The following CDCA5 variants were observed in gnomAD, a reference collection of about 807,000 sequenced individuals.
The protein encoded by CDCA5 is cell division cycle associated 5.
Under a neutral mutation model 25.7 loss-of-function variants are expected in CDCA5, and 14 were observed. The ratio of observed to expected loss-of-function variants is 0.54; its 90% confidence interval spans 0.36 to 0.85. The LOEUF is 0.85. CDCA5 is among the 40% of genes least tolerant of loss of function. The pLI, the probability that CDCA5 is intolerant of heterozygous loss-of-function variation, is 0.01. For missense variants in CDCA5, 307 were observed against 324.5 expected (o/e 0.95, Z 0.41); for synonymous variants, 127 against 128.7 (o/e 0.99, Z 0.09).
In CDCA5 at chr11:65,078,112, C is replaced by T. The variant is rs748008205; in HGVS notation, c.*995G>A. 1.2e-4 allele frequency: 120 copies of T among 985,410 alleles called. No individual in the cohort carries two copies. The highest frequency in any genetic ancestry group is 1.4e-4 in the Non-Finnish European group (114 of 829,962). 61.0% of individuals were successfully genotyped at this position (985,410 alleles called of 1,614,324 possible). On this transcript the variant is annotated 3_prime_UTR_variant, in exon 6 of 6. Coordinates refer to ENST00000275517, the MANE Select transcript of CDCA5 (RefSeq NM_080668.4). ...TCAGCCCCCGCCGCTGTCTGGTACGCGAGGAAACTTTCCGAGGACTTTACA... is the reference window on the plus strand; with the variant it reads ...TCAGCCCCCGCCGCTGTCTGGTACGTGAGGAAACTTTCCGAGGACTTTACA...
intron 1 of CDCA5, among the ~76,000 whole-genome samples, chr11:65,070,047 G>A (rs959246229): frequency 3.2e-4 from 49 of 152,242 alleles, no homozygotes; most frequent in African/African-American, 1.2e-3. Context: ...AGGATGTGCC[G>A]CCGGGTCTCA....
rs1947526278 is a variant in CDCA5, at chr11:65,079,740, A to G, written c.291T>C (p.Leu97=). The change falls in exon 5 of 6, where the codon CTT becomes CTC. Residue 97 remains leucine (L), a synonymous_variant. Coordinates refer to ENST00000275517, the MANE Select transcript of CDCA5 (RefSeq NM_080668.4). ...EKENEPPGRE[L]TKEDLFKTHS... The stretch of plus-strand genomic sequence containing the variant: ...GTGTCTTGAAAAGGTCCTCCTTAGT[A>G]AGCTCCCTGCCAGGGGGCTCGTTTT... 3.3e-6 allele frequency: 5 copies of G among 1,505,764 alleles called. No homozygotes were observed. Among genetic ancestry groups the G allele is most frequent in the African/African-American group, 2.8e-5 (2 of 71,152 alleles). The allele number at this position is 1,505,764 out of a possible 1,614,324, so 93.3% of individuals were successfully genotyped here.
At chr11:65,079,930 G>T (rs1947531260) in intron 4 of CDCA5, 143 bp from the exon 5 acceptor site, 8 of 567,540 alleles carry the variant, frequency 1.4e-5, no homozygotes, top group African/African-American at 2.1e-5. Flanking sequence ...TTGCTCTCTC[G>T]CCCAGGCTGG....
intron 4 of CDCA5, among the ~76,000 whole-genome samples, chr11:65,082,610 G>C (rs1393864443): frequency 6.6e-6 from 1 of 151,758 alleles, no homozygotes; most frequent in Non-Finnish European, 1.5e-5. Context: ...CTATAGGCAC[G>C]TGCCACCATG....
chr11:65,079,492 A>C lies in CDCA5; in HGVS notation c.539T>G (p.Val180Gly), dbSNP rs1260925948. ...GAGTTTGGAGCACACCACTGGCGAG[A>C]CTCCGGACAAGTCTTCTGCCCCCAG... ...GLLGAEDLSGVSPVVCSKLTE... is the reference protein window; with the variant it reads ...GLLGAEDLSGGSPVVCSKLTE... The change falls in exon 5 of 6, where the codon GTC (valine) becomes GGC (glycine). Residue 180 changes from valine (V) to glycine (G), a missense_variant. Transcript: ENST00000275517. 1 of 1,613,714 alleles carries C rather than the reference A, an allele frequency of 6.2e-7. No homozygotes were observed. The highest frequency in any genetic ancestry group is 8.5e-7 in the Non-Finnish European group (1 of 1,179,936).
Position 65,079,190 on chromosome 11 carries a change from G to A in CDCA5, c.679-3C>T. 6.6e-7 allele frequency: 1 copy of A among 1,526,344 alleles called. No homozygotes were observed. Among genetic ancestry groups the A allele is most frequent in the Non-Finnish European group, 8.8e-7 (1 of 1,137,660 alleles). 94.6% of individuals were successfully genotyped at this position (1,526,344 alleles called of 1,614,324 possible). The stretch of plus-strand genomic sequence containing the variant: ...GCCCACTCATCCAGCTCCGTTTTCT[G>A]AGGGAAGAGAAATGAGGAGCAGGTG... On this transcript the variant is annotated splice_region_variant and splice_polypyrimidine_tract_variant and intron_variant, in intron 5 of 5. Transcript: ENST00000275517.
chr11:65,066,579 T>A (rs1392863356), exon 6 of CDCA5: 2 of 1,289,390 alleles, frequency 1.6e-6, no homozygotes, highest in Non-Finnish European at 2.0e-6. Flanking sequence ...CGGCAGGGCC[T>A]GGCTTTCCTC....
chr11:65,070,035 A>G (rs370686051), intron 1 of CDCA5, among the ~76,000 whole-genome samples: 9 of 152,228 alleles, frequency 5.9e-5, no homozygotes. Flanking sequence ...GAGACTGCAC[A>G]CAGGATGTGC....
At chr11:65,077,337 C>G (rs1152608), downstream of CDCA5, 332,077 of 332,302 alleles carry the variant, frequency 1, 165,927 homozygotes, top group Middle Eastern at 1. Flanking sequence ...GGGGCGAATG[C>G]GGGGAAGCGG....
At chr11:65,076,307 A>C (rs1347767029), downstream of CDCA5, among the ~76,000 whole-genome samples, 1 of 142,494 alleles carries the variant, frequency 7.0e-6, no homozygotes, top group Non-Finnish European at 1.6e-5. Context: ...TGTAGTCAGG[A>C]TCTCCCTATG....
chr11:65,080,623 T>C (rs1412719686), intron 4 of CDCA5, among the ~76,000 whole-genome samples: 1 of 152,156 alleles, frequency 6.6e-6, no homozygotes, highest in Non-Finnish European at 1.5e-5. Flanking sequence ...TCTCCCTTTG[T>C]TGCCCAGGCT....
intron 4 of CDCA5, among the ~76,000 whole-genome samples, chr11:65,080,510 C>T (rs113117235): frequency 4.9e-4 from 75 of 152,236 alleles, no homozygotes; most frequent in African/African-American, 1.6e-3. Context: ...GCCTCCAGGG[C>T]TCACGCAATC....
chr11:65,066,288 T>C (rs1057424375), downstream of CDCA5: 9 of 1,138,232 alleles, frequency 7.9e-6, no homozygotes, highest in Admixed American at 2.7e-4. Context: ...AGACACTTGG[T>C]GAAGCTGAAG....
At chr11:65,068,618 CCTGCTAGTCA>C in intron 1 of CDCA5, 1 of 1,266,124 alleles carries the variant, frequency 7.9e-7, no homozygotes, top group Non-Finnish European at 1.0e-6. Context: ...GAGACAGAAG[CCTGCTAGTCA>C]CTCACATCTA....
chr11:65,068,016 T>C (rs1210186398), intron 3 of CDCA5: 3 of 1,277,222 alleles, frequency 2.3e-6, no homozygotes, highest in African/African-American at 1.5e-5. Flanking sequence ...CTCTCTCTCA[T>C]GCAGCCTTAC....
chr11:65,063,686 C>T (rs1177002668), downstream of CDCA5, among the ~76,000 whole-genome samples: 1 of 152,204 alleles, frequency 6.6e-6, no homozygotes, highest in African/African-American at 2.4e-5. Flanking sequence ...GAAATGGTGC[C>T]AGCCAGACAG....
At chr11:65,066,703 G>C (rs1031451711) in intron 5 of CDCA5, 1 of 1,287,550 alleles carries the variant, frequency 7.8e-7, no homozygotes, top group African/African-American at 1.5e-5. Flanking sequence ...TGCAGGGCTC[G>C]AGGTGGGTAG....
chr11:65,067,780 G>A (rs769543700), intron 3 of CDCA5: 1 of 1,259,372 alleles, frequency 7.9e-7, no homozygotes, highest in African/African-American at 1.5e-5. Flanking sequence ...GTGAAGGTCA[G>A]GCCAGAGGGT....
At chr11:65,063,599 C>T (rs576276521), downstream of CDCA5, among the ~76,000 whole-genome samples, 12 of 152,332 alleles carry the variant, frequency 7.9e-5, no homozygotes, top group Admixed American at 7.2e-4. Flanking sequence ...TAGAATGCAG[C>T]GCCTGCACAT....
Sources: allele counts gnomAD v4.1 joint callset (sites outside exome capture counted in the v4.1 genomes callset), GRCh38; gene constraint gnomAD v4.1.1; transcripts MANE v1.5; gene names NCBI Gene and HGNC (gene_info 2026-07-23, HGNC 2026-07-21).